The following ENTPD3 variants were observed in gnomAD, a reference collection of about 807,000 sequenced individuals.
The protein encoded by ENTPD3 is ectonucleoside triphosphate diphosphohydrolase 3.
Under a neutral mutation model 51.2 loss-of-function variants are expected in ENTPD3, and 60 were observed. That is an observed-to-expected ratio of 1.17 (90% CI 0.95 to 1.45). The LOEUF (loss-of-function observed/expected upper bound fraction) is 1.45. Ranked by LOEUF, ENTPD3 falls within the 40% of genes most tolerant of loss-of-function variation. ENTPD3 has a pLI of 0.00. For missense variants in ENTPD3, 593 were observed against 641.1 expected (o/e 0.93, Z 0.81); for synonymous variants, 221 against 238.4 (o/e 0.93, Z 0.67).
chr3:40,425,200 C>G (rs1955957710), intron 10 of ENTPD3, among the ~76,000 whole-genome samples: 1 of 151,358 alleles, frequency 6.6e-6, no homozygotes, highest in African/African-American at 2.4e-5. Context: ...GGCGGATCAC[C>G]TGAGGTCAGG....
At position 40,414,858 on chromosome 3, in the gene ENTPD3, C is replaced by G; in HGVS notation, c.597+18C>G. 6.2e-7 allele frequency: 1 copy of G among 1,613,170 alleles called. No homozygotes were observed. The highest frequency in any genetic ancestry group is 1.1e-5 in the South Asian group (1 of 90,984). On this transcript the variant is annotated intron_variant, in intron 6 of 10. Transcript: ENST00000301825. ...TCCTGGAGGTGTGTGCAAACAAATG[C>G]ATGGTTTTTAATCTTACTGTTTATC... is the stretch of plus-strand genomic sequence containing the variant.
At chr3:40,410,546 A>C (rs992532161) in intron 4 of ENTPD3, among the ~76,000 whole-genome samples, 3 of 152,162 alleles carry the variant, frequency 2.0e-5, no homozygotes, top group Non-Finnish European at 4.4e-5. Flanking sequence ...AAAGAGAAAC[A>C]ACCAGATACT....
intron 7 of ENTPD3, among the ~76,000 whole-genome samples, chr3:40,418,434 T>C (rs1680679542): frequency 6.6e-6 from 1 of 152,196 alleles, no homozygotes; most frequent in Non-Finnish European, 1.5e-5. Flanking sequence ...TCCTCATCTG[T>C]AATATAAGGA....
Position 40,414,745 on chromosome 3 carries a change from C to A in ENTPD3, c.502C>A (p.Pro168Thr), listed in dbSNP as rs1480349615. The change falls in exon 6 of 11, where the codon CCC becomes ACC. Residue 168 changes from proline (P) to threonine (T), a missense_variant. Pro to Thr is a conservative substitution (Grantham distance 38). Transcript: ENST00000301825. ...ESIQSYFKSQ[P>T]FDFRGAQIIS... ...CATCCAAAGCTACTTCAAGTCCCAG[C>A]CCTTTGACTTTAGGGGTGCTCAAAT... is the stretch of plus-strand genomic sequence containing the variant. The A allele has an allele frequency of 6.2e-7, 1 of 1,614,032 alleles. No homozygotes were observed. Among genetic ancestry groups the A allele is most frequent in the Non-Finnish European group, 8.5e-7 (1 of 1,179,980 alleles).
chr3:40,427,020 C>A lies in ENTPD3; in HGVS notation c.1354-252C>A, dbSNP rs188192620. Among the ~76,000 whole-genome samples the A allele has an allele frequency of 3.9e-5, 6 of 152,230 alleles. No individual in the cohort carries two copies. The East Asian group carries it at 9.7e-4, about 24-fold the overall frequency. On this transcript the variant is annotated intron_variant, in intron 10 of 10. Transcript: ENST00000301825. ...ACACTTTCACTGTTATTAACTGTGCCGTCTTCACTCTTGGCTGTGACAAGA... is the reference window on the plus strand; with the variant it reads ...ACACTTTCACTGTTATTAACTGTGCAGTCTTCACTCTTGGCTGTGACAAGA...
chr3:40,392,190 C>A (rs753470702), intron 3 of ENTPD3, 40 bp downstream of exon 3: 2 of 1,599,792 alleles, frequency 1.3e-6, no homozygotes, highest in South Asian at 2.2e-5. Context: ...AAGAAATGAG[C>A]ATAAAGGGGA....
chr3:40,427,084 G>A (rs1955999428), intron 10 of ENTPD3, among the ~76,000 whole-genome samples, 188 bp from the exon 11 acceptor site: 1 of 152,154 alleles, frequency 6.6e-6, no homozygotes, highest in Non-Finnish European at 1.5e-5. Context: ...CTTCTGCAGC[G>A]CTGGAGGTGA....
chr3:40,405,688 T>A (rs1490174658), intron 4 of ENTPD3, among the ~76,000 whole-genome samples: 2 of 152,128 alleles, frequency 1.3e-5, no homozygotes, highest in Non-Finnish European at 2.9e-5. Context: ...CTTAGAAGCC[T>A]GTGAATCCTA....
intron 7 of ENTPD3, among the ~76,000 whole-genome samples, chr3:40,420,462 A>G (rs1428339565): frequency 6.6e-6 from 1 of 151,656 alleles, no homozygotes. Flanking sequence ...GATGGCCTCG[A>G]TCTCCTGACC....
chr3:40,394,262 C>T (rs1354480425), intron 3 of ENTPD3: 3 of 266,736 alleles, frequency 1.1e-5, no homozygotes, highest in Admixed American at 4.2e-5. Flanking sequence ...TCACAGGTGC[C>T]CACCACCATG....
chr3:40,405,633 A>G (rs570322794), intron 4 of ENTPD3, among the ~76,000 whole-genome samples: 1 of 152,110 alleles, frequency 6.6e-6, no homozygotes, highest in Admixed American at 6.5e-5. Flanking sequence ...TGAAATAGCA[A>G]TTTCAGTGCT....
chr3:40,400,969 A>G lies in ENTPD3; in HGVS notation c.244A>G (p.Asn82Asp), dbSNP rs200251476. Residue 82 changes from asparagine (N) to aspartate (D), a missense_variant, in exon 4 of 11, where the codon AAT (asparagine) becomes GAT (aspartate). Transcript: ENST00000301825. Reference sequence around the variant, plus strand: ...TCAATGGCCAGCAGAAAAAGAGAATAATACCGGAGTGGTCAGTCAAACCTT... The same window carrying G: ...TCAATGGCCAGCAGAAAAAGAGAATGATACCGGAGTGGTCAGTCAAACCTT... ...VYQWPAEKEN[N>D]TGVVSQTFKC... 3.7e-6 allele frequency: 6 copies of G among 1,614,090 alleles called. No homozygotes were observed. The highest frequency in any genetic ancestry group is 1.7e-4 in the Middle Eastern group (1 of 6,056).
intron 4 of ENTPD3, among the ~76,000 whole-genome samples, chr3:40,402,104 T>A (rs1442460230): frequency 8.1e-6 from 1 of 123,086 alleles, no homozygotes; most frequent in Non-Finnish European, 1.7e-5. Context: ...CTTGTTCATT[T>A]CCTTTCCTTT....
chr3:40,399,697 T>C (rs1176055816), intron 3 of ENTPD3: 2 of 152,162 alleles, frequency 1.3e-5, no homozygotes. Flanking sequence ...TACTAATACA[T>C]GCTCTTTCCT....
intron 5 of ENTPD3, among the ~76,000 whole-genome samples, chr3:40,414,401 A>T (rs1414241647): frequency 2.0e-5 from 3 of 152,196 alleles, no homozygotes; most frequent in Non-Finnish European, 2.9e-5. Context: ...CTTTTGATAC[A>T]TGAACAGATG....
chr3:40,403,609 C>T (rs1005486865), intron 4 of ENTPD3, among the ~76,000 whole-genome samples: 1 of 151,472 alleles, frequency 6.6e-6, no homozygotes, highest in Non-Finnish European at 1.5e-5. Context: ...TTGCACGGCA[C>T]GGTTTTGGAT....
intron 3 of ENTPD3, among the ~76,000 whole-genome samples, chr3:40,398,891 C>T (rs1955273808): frequency 6.6e-6 from 1 of 152,086 alleles, no homozygotes; most frequent in Non-Finnish European, 1.5e-5. Context: ...TTTCTACTGT[C>T]AGGAAGACAT....
chr3:40,403,801 G>A (rs1283017545), intron 4 of ENTPD3, among the ~76,000 whole-genome samples: 1 of 151,862 alleles, frequency 6.6e-6, no homozygotes, highest in Non-Finnish European at 1.5e-5. Flanking sequence ...TACAGACATT[G>A]CCACCACATC....
At chr3:40,390,274 T>C (rs987926633) in intron 2 of ENTPD3, among the ~76,000 whole-genome samples, 1 of 152,196 alleles carries the variant, frequency 6.6e-6, no homozygotes, top group African/African-American at 2.4e-5. Flanking sequence ...CACAGCTCAC[T>C]GCAGCCTTGA....
Sources: allele counts gnomAD v4.1 joint callset (sites outside exome capture counted in the v4.1 genomes callset), GRCh38; gene constraint gnomAD v4.1.1; transcripts MANE v1.5; gene names NCBI Gene and HGNC (gene_info 2026-07-23, HGNC 2026-07-21).